The following ELOC variants were observed in gnomAD, a reference collection of about 807,000 sequenced individuals.
ELOC encodes the protein elongin C, also known as elongin-C.
For missense variants in ELOC, 38 were observed against 139.0 expected, an observed-to-expected ratio of 0.27 and a Z score of 3.65; for synonymous variants, 40 against 51.3, an observed-to-expected ratio of 0.78 and a Z score of 0.94.
At chr8:73,952,767 G>A (rs1813864274) in intron 3 of ELOC, among the ~76,000 whole-genome samples, 2 of 123,312 alleles carry the variant, frequency 1.6e-5, no homozygotes, top group South Asian at 5.8e-4. Context: ...GGCAACAGGT[G>A]TCTCGAAAAA....
At chr8:73,963,123 A>C (rs12541216) in intron 1 of ELOC, among the ~76,000 whole-genome samples, 1 of 151,996 alleles carries the variant, frequency 6.6e-6, no homozygotes, top group Non-Finnish European at 1.5e-5. Flanking sequence ...TATGCTTTTA[A>C]GGTGTTACAT....
intron 3 of ELOC, among the ~76,000 whole-genome samples, chr8:73,948,780 C>T (rs903501140): frequency 3.3e-5 from 5 of 151,954 alleles, no homozygotes; most frequent in Admixed American, 6.6e-5. Flanking sequence ...GGCTGCAGTG[C>T]GCCATGATGG....
intron 1 of ELOC, among the ~76,000 whole-genome samples, chr8:73,960,020 T>G (rs1347246018): frequency 6.6e-6 from 1 of 152,222 alleles, no homozygotes; most frequent in African/African-American, 2.4e-5. Context: ...CTTGATCAGT[T>G]GGCACTTCTG....
At chr8:73,967,747 C>T (rs1320469565) in intron 1 of ELOC, among the ~76,000 whole-genome samples, 9 of 152,132 alleles carry the variant, frequency 5.9e-5, no homozygotes, top group Non-Finnish European at 1.2e-4. Flanking sequence ...GGATTACAGG[C>T]GTGAGCCACT....
At chr8:73,947,931 T>C (rs1017137910) in intron 3 of ELOC, among the ~76,000 whole-genome samples, 1 of 152,072 alleles carries the variant, frequency 6.6e-6, no homozygotes, top group African/African-American at 2.4e-5. Context: ...GGGTGGCTCA[T>C]GCCTGTAATC....
chr8:73,959,173 G>A (rs904202343), intron 2 of ELOC, among the ~76,000 whole-genome samples: 5 of 152,248 alleles, frequency 3.3e-5, no homozygotes, highest in African/African-American at 1.2e-4. Context: ...GAATGTGAAG[G>A]CCTAATGCAT....
chr8:73,957,019 A>T (rs2131120348), intron 2 of ELOC, among the ~76,000 whole-genome samples: 1 of 152,114 alleles, frequency 6.6e-6, no homozygotes, highest in East Asian at 1.9e-4. Context: ...AAAATACAAA[A>T]AAAATTAGCT....
At chr8:73,971,060 A>T (rs1444277446) in intron 1 of ELOC, among the ~76,000 whole-genome samples, 1 of 151,284 alleles carries the variant, frequency 6.6e-6, no homozygotes, top group Non-Finnish European at 1.5e-5. Flanking sequence ...AAGAAAAAGA[A>T]AAAAAGCAAA....
At chr8:73,955,229 G>A (rs1038844575) in intron 3 of ELOC, among the ~76,000 whole-genome samples, 5 of 152,110 alleles carry the variant, frequency 3.3e-5, no homozygotes, top group East Asian at 1.9e-4. Flanking sequence ...CGCACTTTGC[G>A]AAGCTGAGGC....
intron 2 of ELOC, among the ~76,000 whole-genome samples, 187 bp downstream of exon 2, chr8:73,959,578 A>G (rs1563680617): frequency 6.6e-6 from 1 of 152,218 alleles, no homozygotes; most frequent in Non-Finnish European, 1.5e-5. Flanking sequence ...CATGTCACAC[A>G]TGTGGTCCAA....
At chr8:73,954,016 A>G (rs1813964439) in intron 3 of ELOC, among the ~76,000 whole-genome samples, 1 of 152,272 alleles carries the variant, frequency 6.6e-6, no homozygotes, top group African/African-American at 2.4e-5. Context: ...GCCATAAAAA[A>G]GAATGAAGTG....
At chr8:73,950,964 G>A (rs1813714851) in intron 3 of ELOC, among the ~76,000 whole-genome samples, 1 of 152,200 alleles carries the variant, frequency 6.6e-6, no homozygotes, top group Non-Finnish European at 1.5e-5. Context: ...TAGGGATAAT[G>A]ACACAACTTA....
rs756249668 is a variant in ELOC, at chr8:73,955,995, T to G, written c.64A>C (p.Ile22Leu). 1.2e-5 allele frequency: 19 copies of G among 1,613,876 alleles called. No individual in the cohort carries two copies. The highest frequency in any genetic ancestry group is 1.6e-5 in the Non-Finnish European group (19 of 1,179,870). Residue 22 changes from isoleucine to leucine, a missense_variant, in exon 3 of 4, where the codon ATA (isoleucine) becomes CTA (leucine). Ile to Leu is a conservative substitution (Grantham distance 5, BLOSUM62 2). Coordinates refer to ENST00000520242, the MANE Select transcript of ELOC (RefSeq NM_005648.4). Reference protein sequence around the residue: ...EGPDAMYVKLISSDGHEFIVK... With the variant: ...EGPDAMYVKLLSSDGHEFIVK... ...ATAAATTCATGGCCATCAGATGATA[T>G]CAATTTGACATACATGGCATCAGGT... is the stretch of plus-strand genomic sequence containing the variant.
chr8:73,955,902 T>C lies in ELOC; in HGVS notation c.148+9A>G. 1 of 1,599,870 alleles carries C rather than the reference T, an allele frequency of 6.3e-7. No homozygotes were observed. Among genetic ancestry groups the C allele is most frequent in the Non-Finnish European group, 8.5e-7 (1 of 1,171,268 alleles). On this transcript the variant is annotated intron_variant, in intron 3 of 3. Coordinates refer to ENST00000520242, the MANE Select transcript of ELOC (RefSeq NM_005648.4). ...GAATATATGAAGAAAAAGACAGAACTGTGCTTACCTGGGCCACTCAACATG... is the reference window on the plus strand; with the variant it reads ...GAATATATGAAGAAAAAGACAGAACCGTGCTTACCTGGGCCACTCAACATG...
chr8:73,966,752 G>T (rs778310054), intron 1 of ELOC, among the ~76,000 whole-genome samples: 7 of 151,748 alleles, frequency 4.6e-5, no homozygotes, highest in African/African-American at 1.5e-4. Context: ...GCGATTATAG[G>T]TGTGAGCCAC....
intron 1 of ELOC, among the ~76,000 whole-genome samples, chr8:73,961,435 G>A (rs1250257853): frequency 1.3e-5 from 2 of 152,138 alleles, no homozygotes; most frequent in Admixed American, 6.5e-5. Context: ...TTCAGGTAGC[G>A]ACAGAGCAGG....
intron 3 of ELOC, among the ~76,000 whole-genome samples, 156 bp from the exon 4 acceptor site, chr8:73,946,976 A>G (rs1266704906): frequency 6.6e-6 from 1 of 152,078 alleles, no homozygotes; most frequent in Non-Finnish European, 1.5e-5. Context: ...TGGCAATCCA[A>G]TATGATTGGT....
intron 3 of ELOC, among the ~76,000 whole-genome samples, chr8:73,947,667 G>A (rs931391312): frequency 7.3e-5 from 11 of 151,346 alleles, no homozygotes; most frequent in African/African-American, 2.4e-4. Context: ...CCTGCCTCCT[G>A]GGCTCAAGTG....
At chr8:73,951,890 G>A (rs1167393865) in intron 3 of ELOC, among the ~76,000 whole-genome samples, 1 of 152,150 alleles carries the variant, frequency 6.6e-6, no homozygotes, top group Non-Finnish European at 1.5e-5. Flanking sequence ...CAAATCTACA[G>A]TCAACTGATT....
Sources: gnomAD v4.1 joint callset for allele counts (sites outside exome capture counted in the v4.1 genomes callset) on GRCh38, gnomAD v4.1.1 for gene constraint, MANE v1.5 for transcripts, NCBI Gene and HGNC (gene_info 2026-07-23, HGNC 2026-07-21) for gene names.